OPRM1: variants seen among roughly 807,000 people sequenced by gnomAD.
OPRM1 encodes opioid receptor mu 1.
In OPRM1, 27 loss-of-function variants were observed where a neutral mutation model predicts 31.8. The observed-to-expected ratio is 0.85, with a 90% CI of 0.63 to 1.17. The LOEUF is 1.17. OPRM1 is among the 50% of genes most tolerant of loss of function. OPRM1 has a pLI of 0.00. For missense variants in OPRM1, 536 were observed against 511.1 expected, an observed-to-expected ratio of 1.05 and a Z score of -0.47; for synonymous variants, 196 against 189.9, an observed-to-expected ratio of 1.03 and a Z score of -0.26.
At position 154,121,388 on chromosome 6, in the gene OPRM1, G is replaced by A. The variant is rs976814572; in HGVS notation, c.*2667G>A. ...GAGGAAAGAGACTCGCTGGAGCACT[G>A]GTGAGTCTCTAGGACCCTGCTATCC... On this transcript the variant is annotated 3_prime_UTR_variant, in exon 4 of 4. Coordinates refer to ENST00000330432, the MANE Select transcript of OPRM1 (RefSeq NM_000914.5). 6.6e-6 allele frequency among the ~76,000 whole-genome samples: 1 copy of A among 152,188 alleles called. No homozygotes were observed. The highest frequency in any genetic ancestry group is 2.4e-5 in the African/African-American group (1 of 41,450).
chr6:154,180,410 ATATAT>A (rs1348829016), intron 3 of OPRM1, among the ~76,000 whole-genome samples: 19 of 40,416 alleles, frequency 4.7e-4, no homozygotes, highest in African/African-American at 2.1e-3. Flanking sequence ...ATATATATAT[ATATAT>A]TTTTTTTTTA....
chr6:154,033,790 T>C (rs372109669), intron 1 of OPRM1, among the ~76,000 whole-genome samples: 2 of 152,230 alleles, frequency 1.3e-5, no homozygotes, highest in East Asian at 1.9e-4. Context: ...TGTGGATTTG[T>C]GGGGTCTCTA....
At chr6:154,161,593 G>T (rs931178405) in intron 3 of OPRM1, among the ~76,000 whole-genome samples, 7 of 152,102 alleles carry the variant, frequency 4.6e-5, no homozygotes, top group Non-Finnish European at 5.9e-5. Context: ...CCCAAAATTG[G>T]ACTGATAAGC....
intron 1 of OPRM1, among the ~76,000 whole-genome samples, chr6:154,050,387 A>C (rs773745410): frequency 6.6e-6 from 1 of 152,234 alleles, no homozygotes; most frequent in African/African-American, 2.4e-5. Context: ...AATGTGGTAC[A>C]TAAACACAAT....
At chr6:154,088,589 A>T (rs1291374901) in intron 1 of OPRM1, among the ~76,000 whole-genome samples, 2 of 152,224 alleles carry the variant, frequency 1.3e-5, no homozygotes, top group African/African-American at 4.8e-5. Context: ...TCTACACACC[A>T]TAGTTTGCCA....
intron 3 of OPRM1, among the ~76,000 whole-genome samples, chr6:154,165,889 G>A (rs767791642): frequency 1.3e-5 from 2 of 152,226 alleles, no homozygotes; most frequent in Admixed American, 6.5e-5. Flanking sequence ...AAGGAACTGA[G>A]GGGAGCCTCT....
chr6:154,039,960 C>T (rs1779716339), intron 1 of OPRM1, 126 bp downstream of exon 1: 2 of 727,120 alleles, frequency 2.8e-6, no homozygotes, highest in Non-Finnish European at 4.3e-6. Context: ...TGGGGGGACT[C>T]TGGAGGAGAC....
chr6:154,101,283 T>C (rs1470930962), intron 3 of OPRM1, among the ~76,000 whole-genome samples: 1 of 152,146 alleles, frequency 6.6e-6, no homozygotes, highest in African/African-American at 2.4e-5. Flanking sequence ...TCTATTATAT[T>C]AGCTAAGGTG....
At chr6:154,024,016 C>A (rs1778539705) in intron 1 of OPRM1, among the ~76,000 whole-genome samples, 1 of 151,862 alleles carries the variant, frequency 6.6e-6, no homozygotes, top group African/African-American at 2.4e-5. Context: ...TGTGCTGTGT[C>A]TTTGTCCTGT....
In OPRM1 at chr6:154,125,089, T is replaced by C. The variant is rs551699395; in HGVS notation, c.*6368T>C. On this transcript the variant is annotated 3_prime_UTR_variant, in exon 4 of 4. Transcript: ENST00000330432. ...CTGTCCTGTGGGAGCAATACAAAAC[T>C]ATACCAGTTTTTTGTTAGTGTAAAA... Among the ~76,000 whole-genome samples the C allele has an allele frequency of 6.6e-6, 1 of 152,308 alleles. No individual in the cohort carries two copies. The highest frequency in any genetic ancestry group is 1.9e-4 in the East Asian group (1 of 5,188).
At chr6:154,229,566 C>G (rs908127182) in intron 3 of OPRM1, among the ~76,000 whole-genome samples, 2 of 151,864 alleles carry the variant, frequency 1.3e-5, no homozygotes, top group African/African-American at 4.8e-5. Flanking sequence ...CCGTGTTAGC[C>G]AGGACGGTCT....
intron 3 of OPRM1, among the ~76,000 whole-genome samples, chr6:154,175,058 G>C (rs1310634993): frequency 6.6e-6 from 1 of 152,170 alleles, no homozygotes; most frequent in Non-Finnish European, 1.5e-5. Context: ...TGAACAACCT[G>C]CTCCTGAATG....
chr6:154,213,495 G>A (rs181807984), intron 3 of OPRM1, among the ~76,000 whole-genome samples: 21 of 152,236 alleles, frequency 1.4e-4, no homozygotes, highest in African/African-American at 4.3e-4. Flanking sequence ...GGTATTGCAC[G>A]GTACCCCTTT....
intron 3 of OPRM1, among the ~76,000 whole-genome samples, chr6:154,210,536 T>G (rs1008903608): frequency 1.3e-5 from 2 of 152,210 alleles, no homozygotes; most frequent in African/African-American, 4.8e-5. Context: ...GTTGATAATG[T>G]CTTTAGAGGC....
upstream of OPRM1, among the ~76,000 whole-genome samples, chr6:154,035,971 T>C (rs936683773): frequency 6.6e-6 from 1 of 152,090 alleles, no homozygotes; most frequent in African/African-American, 2.4e-5. Context: ...TTGGGATCAA[T>C]ACTGTATGAA....
intron 3 of OPRM1, among the ~76,000 whole-genome samples, chr6:154,212,151 G>A (rs1459312796): frequency 2.0e-5 from 3 of 152,030 alleles, no homozygotes; most frequent in African/African-American, 7.2e-5. Context: ...ACCCTTCCTC[G>A]GGGCCATTAC....
chr6:154,100,436 G>A (rs181090601), intron 3 of OPRM1, among the ~76,000 whole-genome samples: 7 of 151,700 alleles, frequency 4.6e-5, no homozygotes, highest in Admixed American at 1.3e-4. Context: ...GCTTTACTGT[G>A]TATGAATCAA....
At chr6:154,070,967 T>C (rs1786579142) in intron 1 of OPRM1, among the ~76,000 whole-genome samples, 1 of 152,162 alleles carries the variant, frequency 6.6e-6, no homozygotes, top group Non-Finnish European at 1.5e-5. Context: ...CAATTAATAT[T>C]TTAATTAAGG....
chr6:154,069,975 G>C (rs549780398), intron 1 of OPRM1, among the ~76,000 whole-genome samples: 1 of 152,348 alleles, frequency 6.6e-6, no homozygotes, highest in South Asian at 2.1e-4. Context: ...AAGTAGGGGG[G>C]AAATGGTCCT....
Sources: allele counts gnomAD v4.1 joint callset (sites outside exome capture counted in the v4.1 genomes callset), GRCh38; gene constraint gnomAD v4.1.1; transcripts MANE v1.5; gene names NCBI Gene and HGNC (gene_info 2026-07-23, HGNC 2026-07-21).